The following RRAGB variants were observed in gnomAD, a reference collection of about 807,000 sequenced individuals.
RRAGB encodes the protein Ras related GTP binding B, also known as ras-related GTP-binding protein B.
A neutral mutation model predicts 29.3 loss-of-function variants in RRAGB; 6 were observed. The ratio of observed to expected loss-of-function variants is 0.21; its 90% CI spans 0.11 to 0.40. The LOEUF is 0.40. Among genes scored for constraint, RRAGB ranks in the 10% least tolerant of loss-of-function variants. The pLI is 1.00. For synonymous variants in RRAGB, 101 were observed against 92.5 expected (o/e 1.09, Z -0.53); for missense variants, 184 against 272.9 (o/e 0.67, Z 2.29).
At chrX:55,751,252 G>T in intron 6 of RRAGB, 56 bp downstream of exon 6, 2 of 635,023 alleles carry the variant, frequency 3.1e-6, no homozygotes, top group Non-Finnish European at 2.4e-6. Context: ...AAACCTAGAA[G>T]GATATTAACA....
At chrX:55,736,811 T>C (rs1229201964) in intron 5 of RRAGB, among the ~76,000 whole-genome samples, 2 of 112,306 alleles carry the variant, frequency 1.8e-5, no homozygotes, top group African/African-American at 6.5e-5. Flanking sequence ...GTAGTAGCAG[T>C]GTGCTGGGTG....
chrX:55,720,186 G>A (rs1414753987), intron 2 of RRAGB, among the ~76,000 whole-genome samples: 1 of 112,070 alleles, frequency 8.9e-6, no homozygotes, highest in African/African-American at 3.2e-5. Flanking sequence ...CCTGTCTGAA[G>A]TTGCTTTCAT....
Position 55,755,841 on chromosome X carries a change from G to A in RRAGB, c.736G>A (p.Val246Ile). 1 of 1,196,692 alleles carries A rather than the reference G, an allele frequency of 8.4e-7. No homozygotes were observed. Among genetic ancestry groups the A allele is most frequent in the Admixed American group, 2.2e-5 (1 of 45,634 alleles). Residue 246 changes from valine (V) to isoleucine (I), a missense_variant and splice_region_variant, in exon 8 of 10, where the codon GTA becomes ATA. Coordinates refer to ENST00000374941, the MANE Select transcript of RRAGB (RefSeq NM_006064.5). Reference sequence around the variant, plus strand: ...CAAAGGACAATATTCTTTTTCATAGGTAATTTCTCACTATCAGTGTAAAGA... The same window carrying A: ...CAAAGGACAATATTCTTTTTCATAGATAATTTCTCACTATCAGTGTAAAGA... Reference protein sequence around the residue: ...VLLFERATFLVISHYQCKEQR... With the variant: ...VLLFERATFLIISHYQCKEQR...
intron 3 of RRAGB, among the ~76,000 whole-genome samples, chrX:55,724,025 G>T (rs1315198580): frequency 8.9e-6 from 1 of 112,296 alleles, no homozygotes; most frequent in African/African-American, 3.2e-5. Context: ...AGGGCAGAGT[G>T]GGCCTATCAC....
At chrX:55,744,733 T>C (rs775516881) in intron 5 of RRAGB, among the ~76,000 whole-genome samples, 165 of 112,602 alleles carry the variant, frequency 1.5e-3, no homozygotes, top group African/African-American at 5.2e-3. Flanking sequence ...AGTTCACATA[T>C]GGGAGCTTGC....
chrX:55,756,843 C>G (rs2034668264), intron 8 of RRAGB, among the ~76,000 whole-genome samples: 1 of 111,524 alleles, frequency 9.0e-6, no homozygotes, highest in Admixed American at 9.5e-5. Context: ...GTAGTCCCAG[C>G]TACTTGGGAG....
chrX:55,723,555 A>C (rs1464605753), intron 3 of RRAGB, among the ~76,000 whole-genome samples: 1 of 108,746 alleles, frequency 9.2e-6, no homozygotes, highest in Non-Finnish European at 1.9e-5. Flanking sequence ...TTGCCTCACA[A>C]ATCTTTTTTT....
chrX:55,756,061 A>G (rs1298749460), intron 8 of RRAGB, 129 bp downstream of exon 8: 32 of 457,309 alleles, frequency 7.0e-5, no homozygotes, highest in Non-Finnish European at 3.6e-6. Flanking sequence ...AGACAAAGCT[A>G]AATTCTAAGG....
chrX:55,747,293 ACTT>A (rs1251256676), intron 5 of RRAGB, among the ~76,000 whole-genome samples: 3 of 112,567 alleles, frequency 2.7e-5, no homozygotes, highest in Non-Finnish European at 3.7e-5. Flanking sequence ...TTAGAATCCT[ACTT>A]CTTCTTGGCC....
chrX:55,728,217 C>T (rs1028047956), intron 3 of RRAGB, among the ~76,000 whole-genome samples: 4 of 111,758 alleles, frequency 3.6e-5, no homozygotes, highest in African/African-American at 1.3e-4. Flanking sequence ...ATGGATTTCC[C>T]ACTACTGCTG....
intron 4 of RRAGB, 88 bp downstream of exon 4, chrX:55,729,448 A>G (rs1469790053): frequency 3.7e-6 from 2 of 540,434 alleles, no homozygotes; most frequent in African/African-American, 4.6e-5. Flanking sequence ...ACCTAGAGTA[A>G]CTATCATTTG....
intron 8 of RRAGB, among the ~76,000 whole-genome samples, chrX:55,756,468 A>T (rs1478447808): frequency 8.9e-6 from 1 of 112,100 alleles, no homozygotes; most frequent in African/African-American, 3.2e-5. Flanking sequence ...TTTAATAATC[A>T]AAATCCTTAC....
intron 3 of RRAGB, among the ~76,000 whole-genome samples, chrX:55,729,025 T>G (rs1352682978): frequency 1.8e-5 from 2 of 110,675 alleles, no homozygotes; most frequent in Non-Finnish European, 3.8e-5. Flanking sequence ...ATTTTAACAG[T>G]ATTATAGTTG....
At chrX:55,719,483 C>T (rs1379119908) in intron 2 of RRAGB, 136 bp downstream of exon 2, 3 of 399,481 alleles carry the variant, frequency 7.5e-6, no homozygotes. Context: ...ACTCTCTTCT[C>T]CTTGTATGCT....
At chrX:55,751,599 T>C (rs2034528648) in intron 6 of RRAGB, 1 of 114,094 alleles carries the variant, frequency 8.8e-6, no homozygotes, top group African/African-American at 3.3e-5. Context: ...GGCAATAAAA[T>C]GAAAATATTT....
intron 4 of RRAGB, among the ~76,000 whole-genome samples, chrX:55,730,525 A>C (rs1346116235): frequency 8.9e-6 from 1 of 111,906 alleles, no homozygotes; most frequent in South Asian, 3.7e-4. Context: ...TTTTTCTCCT[A>C]CTACCGGATG....
intron 5 of RRAGB, among the ~76,000 whole-genome samples, chrX:55,748,283 C>G (rs1336322727): frequency 3.6e-5 from 4 of 112,590 alleles, no homozygotes; most frequent in Non-Finnish European, 7.5e-5. Context: ...CTCTGCCTGC[C>G]CGCCACCCCG....
chrX:55,722,615 A>G (rs183366998), intron 3 of RRAGB, among the ~76,000 whole-genome samples: 177 of 112,045 alleles, frequency 1.6e-3, no homozygotes, highest in Admixed American at 9.5e-4. Flanking sequence ...AGGGAAATCC[A>G]TAGGTATTAA....
chrX:55,752,915 G>A (rs890486299), intron 6 of RRAGB, among the ~76,000 whole-genome samples: 2 of 111,625 alleles, frequency 1.8e-5, no homozygotes, highest in Non-Finnish European at 3.8e-5. Flanking sequence ...ATTCTATTGA[G>A]GGGAGGGGCC....
Sources: gnomAD v4.1 joint callset for allele counts (sites outside exome capture counted in the v4.1 genomes callset) on GRCh38, gnomAD v4.1.1 for gene constraint, MANE v1.5 for transcripts, NCBI Gene and HGNC (gene_info 2026-07-23, HGNC 2026-07-21) for gene names.